The following PTPRD variants were observed in gnomAD, a reference collection of about 807,000 sequenced individuals.
The protein encoded by PTPRD is protein tyrosine phosphatase receptor type D, also known as receptor-type tyrosine-protein phosphatase delta.
In PTPRD, 34 loss-of-function variants were observed where a neutral mutation model predicts 214.5. The ratio of observed to expected loss-of-function variants is 0.16; its 90% CI spans 0.12 to 0.21. The LOEUF (loss-of-function observed/expected upper bound fraction) is 0.21. Ranked by LOEUF, PTPRD falls within the 10% of genes least tolerant of loss-of-function variation. The pLI is 1.00. For missense variants in PTPRD, 2,545 were observed against 2,398.7 expected, an observed-to-expected ratio of 1.06 and a Z score of -1.27; for synonymous variants, 1,128 against 845.7, an observed-to-expected ratio of 1.33 and a Z score of -5.79.
chr9:9,600,218 G>T (rs1195334061), intron 7 of PTPRD, among the ~76,000 whole-genome samples: 6 of 152,168 alleles, frequency 3.9e-5, no homozygotes, highest in African/African-American at 1.4e-4. Flanking sequence ...CAAATTATTT[G>T]CCAGGATAAT....
chr9:8,329,133 C>G (rs556412152), intron 44 of PTPRD, among the ~76,000 whole-genome samples: 1 of 152,100 alleles, frequency 6.6e-6, no homozygotes, highest in East Asian at 1.9e-4. Flanking sequence ...AATGTTCAGC[C>G]TTTTTGTGCT....
intron 4 of PTPRD, among the ~76,000 whole-genome samples, chr9:10,001,700 A>G (rs2096321327): frequency 6.6e-6 from 1 of 152,160 alleles, no homozygotes; most frequent in Non-Finnish European, 1.5e-5. Context: ...ATGGTTTAAC[A>G]CATAAAATTA....
At chr9:8,933,339 G>GTTTTTTTTTTTTTTTTTTTTTTTT (rs1567089304) in intron 11 of PTPRD, among the ~76,000 whole-genome samples, 1 of 68,828 alleles carries the variant, frequency 1.5e-5, no homozygotes, top group Non-Finnish European at 2.4e-5. Flanking sequence ...ACAACCTTGA[G>GTTTTTTTTTTTTTTTTTTTTTTTT]GTTTTTTTTT....
chr9:8,781,811 C>T (rs2095710404), intron 11 of PTPRD, among the ~76,000 whole-genome samples: 1 of 152,108 alleles, frequency 6.6e-6, no homozygotes, highest in Admixed American at 6.6e-5. Flanking sequence ...AGTGTCTTCT[C>T]TATATTTAAG....
At chr9:8,545,892 A>C (rs1456345144) in intron 14 of PTPRD, among the ~76,000 whole-genome samples, 1 of 152,204 alleles carries the variant, frequency 6.6e-6, no homozygotes, top group Non-Finnish European at 1.5e-5. Flanking sequence ...TCAAGAAGAA[A>C]TCCAACAAAC....
At chr9:9,760,244 C>T (rs550788198) in intron 6 of PTPRD, among the ~76,000 whole-genome samples, 1 of 152,038 alleles carries the variant, frequency 6.6e-6, no homozygotes, top group Non-Finnish European at 1.5e-5. Context: ...TTACTGAAAA[C>T]ATTCATACAT....
chr9:10,341,967 A>C (rs1323116149), intron 2 of PTPRD, among the ~76,000 whole-genome samples: 1 of 152,012 alleles, frequency 6.6e-6, no homozygotes, highest in Non-Finnish European at 1.5e-5. Context: ...TAACCTTTTG[A>C]AGCTGTTAAA....
chr9:9,575,922 A>G (rs1435180255), intron 7 of PTPRD, among the ~76,000 whole-genome samples: 1 of 152,010 alleles, frequency 6.6e-6, no homozygotes, highest in African/African-American at 2.4e-5. Flanking sequence ...CAAGAAAAGA[A>G]AACTAAATAT....
At chr9:8,409,433 A>T (rs1346503877) in intron 35 of PTPRD, among the ~76,000 whole-genome samples, 1 of 152,152 alleles carries the variant, frequency 6.6e-6, no homozygotes, top group Non-Finnish European at 1.5e-5. Flanking sequence ...TTGAAACACA[A>T]CGCACAGAAG....
intron 5 of PTPRD, among the ~76,000 whole-genome samples, chr9:9,911,669 C>G: frequency 6.6e-6 from 1 of 152,036 alleles, no homozygotes; most frequent in Non-Finnish European, 1.5e-5. Flanking sequence ...TAGATATAAA[C>G]TTTCATAACA....
At chr9:8,414,198 A>T (rs141118238) in intron 35 of PTPRD, among the ~76,000 whole-genome samples, 218 of 149,916 alleles carry the variant, frequency 1.5e-3, no homozygotes, top group African/African-American at 5.1e-3. Context: ...CAGAGATATA[A>T]AAAAAAAAAT....
rs368093049 is a variant in PTPRD at position 8,983,605 on chromosome 9, C to T, written c.-104+35092G>A. Among the ~76,000 whole-genome samples, 109 of 151,972 alleles carry T rather than the reference C, an allele frequency of 7.2e-4. No homozygotes were observed. In the East Asian group the frequency reaches 0.016, roughly 23 times the overall value. ...ATCACTGCAACCTTGAACTTCTGGG[C>T]TCAAGCAATCCTCCTGCCTCAGCCT... On this transcript the variant is annotated intron_variant, in intron 11 of 45. Transcript: ENST00000381196.
At chr9:9,341,393 G>A (rs536498786) in intron 9 of PTPRD, among the ~76,000 whole-genome samples, 44 of 152,030 alleles carry the variant, frequency 2.9e-4, no homozygotes, top group Admixed American at 1.2e-3. Context: ...CCAGGGCGCA[G>A]GTGTCTGTTA....
chr9:10,076,745 C>G (rs1006102259), intron 3 of PTPRD, among the ~76,000 whole-genome samples: 2 of 152,210 alleles, frequency 1.3e-5, no homozygotes, highest in Middle Eastern at 3.4e-3. Context: ...AGTAAGAACT[C>G]CAGAGGAAAA....
chr9:10,296,179 T>A (rs2095667227), intron 3 of PTPRD, among the ~76,000 whole-genome samples: 1 of 152,156 alleles, frequency 6.6e-6, no homozygotes, highest in Non-Finnish European at 1.5e-5. Flanking sequence ...AATTGCATTC[T>A]TGTTCTGTGT....
At position 8,462,771 on chromosome 9, in the gene PTPRD, A is replaced by G. The variant is rs528669418; in HGVS notation, c.3715-2200T>C. 3.3e-5 allele frequency among the ~76,000 whole-genome samples: 5 copies of G among 152,054 alleles called. No homozygotes were observed. The South Asian group carries it at 8.3e-4, about 25-fold the overall frequency. ...AAAAAAACCAAAAAAGATAAAAATA[A>G]CACAGCTAAATTTTTATTTAGTCCT... is the stretch of plus-strand genomic sequence containing the variant. On this transcript the variant is annotated intron_variant, in intron 32 of 45. Transcript: ENST00000381196.
intron 39 of PTPRD, among the ~76,000 whole-genome samples, chr9:8,367,350 C>T (rs947509844): frequency 8.6e-5 from 13 of 151,696 alleles, no homozygotes; most frequent in African/African-American, 3.2e-4. Context: ...ATTTTATATC[C>T]AAGGGGACAT....
rs114218015 is a variant in PTPRD at position 9,344,516 on chromosome 9, A to G, written c.-203+52933T>C. Among the ~76,000 whole-genome samples the G allele has an allele frequency of 3.6e-3, 551 of 152,164 alleles. 3 individuals carry two copies. The highest frequency in any genetic ancestry group is 0.013 in the African/African-American group (538 of 41,520). ...AAATAAAAGTAAAAATTAAAAAAAA[A>G]GAAAGCTAACTCATCTTTTTAATGA... is the stretch of plus-strand genomic sequence containing the variant. On this transcript the variant is annotated intron_variant, in intron 9 of 45. Transcript: ENST00000381196.
intron 25 of PTPRD, 105 bp from the exon 26 acceptor site, chr9:8,497,373 A>C (rs1217907356): frequency 1.1e-6 from 1 of 932,342 alleles, no homozygotes; most frequent in African/African-American, 1.7e-5. Context: ...AAATCAAAAA[A>C]ATAAAGCAGT....
Sources: gnomAD v4.1 joint callset for allele counts (sites outside exome capture counted in the v4.1 genomes callset) on GRCh38, gnomAD v4.1.1 for gene constraint, MANE v1.5 for transcripts, NCBI Gene and HGNC (gene_info 2026-07-23, HGNC 2026-07-21) for gene names.